The following GNG2 variants were observed in gnomAD, a reference collection of about 807,000 sequenced individuals.
The protein encoded by GNG2 is G protein subunit gamma 2.
A neutral mutation model predicts 5.5 loss-of-function variants in GNG2; 5 were observed. The observed-to-expected ratio is 0.91, with a 90% confidence interval of 0.48 to 1.92. GNG2 has a LOEUF of 1.92. GNG2 is among the 30% of genes most tolerant of loss of function. GNG2 has a pLI of 0.01. For synonymous variants in GNG2, 28 were observed against 32.0 expected, an observed-to-expected ratio of 0.88 and a Z score of 0.42; for missense variants, 55 against 88.4, an observed-to-expected ratio of 0.62 and a Z score of 1.52.
At chr14:51,916,346 G>C in intron 2 of GNG2, 1 of 384,832 alleles carries the variant, frequency 2.6e-6, no homozygotes, top group Non-Finnish European at 5.1e-6. Flanking sequence ...GAGATAAATG[G>C]AGTAGTTGAG....
chr14:51,844,264 C>G (rs1881562319), intron 2 of GNG2, among the ~76,000 whole-genome samples: 1 of 152,204 alleles, frequency 6.6e-6, no homozygotes, highest in Admixed American at 6.5e-5. Flanking sequence ...TCTGTCATAA[C>G]TCATAAGTCG....
chr14:51,943,059 T>A (rs148975933), intron 2 of GNG2, among the ~76,000 whole-genome samples: 84 of 152,154 alleles, frequency 5.5e-4, no homozygotes, highest in African/African-American at 1.9e-3. Context: ...CCCCATCAAC[T>A]CCTAGAAAAA....
chr14:51,852,299 A>G (rs1441443026), intron 2 of GNG2, among the ~76,000 whole-genome samples: 1 of 152,184 alleles, frequency 6.6e-6, no homozygotes, highest in Non-Finnish European at 1.5e-5. Flanking sequence ...TCCTCCTCCT[A>G]AAATGAATCT....
At chr14:51,888,727 T>C (rs929612542) in intron 2 of GNG2, among the ~76,000 whole-genome samples, 1 of 152,204 alleles carries the variant, frequency 6.6e-6, no homozygotes, top group Non-Finnish European at 1.5e-5. Context: ...GCAGATATAA[T>C]AGTAATTGTG....
intron 1 of GNG2, among the ~76,000 whole-genome samples, chr14:51,870,956 G>A (rs1883255351): frequency 6.6e-6 from 1 of 152,138 alleles, no homozygotes. Flanking sequence ...ATAAATGATG[G>A]AGTGCTTCCT....
At chr14:51,832,372 A>G (rs1233157140) in intron 2 of GNG2, among the ~76,000 whole-genome samples, 5 of 152,244 alleles carry the variant, frequency 3.3e-5, no homozygotes, top group Non-Finnish European at 7.3e-5. Context: ...AGTCAGTGAA[A>G]GCAAAAATAA....
At chr14:51,835,560 G>A (rs1307517015) in intron 2 of GNG2, among the ~76,000 whole-genome samples, 1 of 152,126 alleles carries the variant, frequency 6.6e-6, no homozygotes, top group East Asian at 1.9e-4. Flanking sequence ...GCACGTCAAA[G>A]TCTAACCCAC....
At chr14:51,957,713 G>A (rs1889352275) in intron 3 of GNG2, among the ~76,000 whole-genome samples, 1 of 152,106 alleles carries the variant, frequency 6.6e-6, no homozygotes, top group African/African-American at 2.4e-5. Context: ...TTAGCGAGAG[G>A]ACCAAGTTCA....
chr14:51,863,392 T>C (rs1882656659), intron 1 of GNG2, among the ~76,000 whole-genome samples: 1 of 152,226 alleles, frequency 6.6e-6, no homozygotes, highest in South Asian at 2.1e-4. Flanking sequence ...TGTGTGCGGA[T>C]AAGTGAGTGA....
intron 2 of GNG2, among the ~76,000 whole-genome samples, chr14:51,940,764 A>G (rs1030478877): frequency 6.6e-6 from 1 of 152,090 alleles, no homozygotes; most frequent in African/African-American, 2.4e-5. Flanking sequence ...GTGTTTGCTG[A>G]TTAGTAGAGA....
intron 1 of GNG2, among the ~76,000 whole-genome samples, chr14:51,870,453 T>C (rs1048987780): frequency 2.6e-5 from 4 of 152,240 alleles, no homozygotes; most frequent in Middle Eastern, 3.2e-3. Context: ...CATTTCTGCA[T>C]TGTAAAATAT....
chr14:51,845,079 A>G (rs1881585306), intron 2 of GNG2, among the ~76,000 whole-genome samples: 1 of 152,276 alleles, frequency 6.6e-6, no homozygotes, highest in Non-Finnish European at 1.5e-5. Context: ...GATTTAAAAT[A>G]GATAAAAAAC....
At chr14:51,949,461 C>T (rs1043496797) in intron 2 of GNG2, among the ~76,000 whole-genome samples, 7 of 152,004 alleles carry the variant, frequency 4.6e-5, no homozygotes, top group African/African-American at 1.5e-4. Context: ...TGTTCTTTTT[C>T]TTTTTAAGAT....
At chr14:51,908,259 A>G (rs1886061839) in intron 2 of GNG2, among the ~76,000 whole-genome samples, 1 of 152,244 alleles carries the variant, frequency 6.6e-6, no homozygotes, top group Non-Finnish European at 1.5e-5. Context: ...CAAGCGATCC[A>G]AGAAAGAGGG....
chr14:51,904,276 T>C (rs894364140), intron 2 of GNG2, among the ~76,000 whole-genome samples: 2 of 152,114 alleles, frequency 1.3e-5, no homozygotes, highest in Non-Finnish European at 2.9e-5. Flanking sequence ...TTCTCCACAT[T>C]ACCAGCTTCC....
chr14:51,860,033 T>C (rs1056580896), upstream of GNG2, among the ~76,000 whole-genome samples: 1 of 152,154 alleles, frequency 6.6e-6, no homozygotes, highest in African/African-American at 2.4e-5. Flanking sequence ...TCAGTGGTAG[T>C]GGGACCTTGG....
At chr14:51,926,152 GTATT>G in intron 2 of GNG2, among the ~76,000 whole-genome samples, 1 of 151,872 alleles carries the variant, frequency 6.6e-6, no homozygotes, top group Non-Finnish European at 1.5e-5. Context: ...TAAAGAAACA[GTATT>G]TAATAAGTTC....
At chr14:51,902,166 TTTTTA>T (rs2140182369) in intron 2 of GNG2, among the ~76,000 whole-genome samples, 1 of 152,268 alleles carries the variant, frequency 6.6e-6, no homozygotes, top group African/African-American at 2.4e-5. Context: ...TTATTAAATA[TTTTTA>T]TTTTGAGTAT....
chr14:51,884,094 T>C (rs1884283003), intron 2 of GNG2, among the ~76,000 whole-genome samples: 1 of 152,204 alleles, frequency 6.6e-6, no homozygotes, highest in Admixed American at 6.5e-5. Context: ...TTTCATCTCC[T>C]GGTTAATCTG....
Sources: gnomAD v4.1 joint callset for allele counts (sites outside exome capture counted in the v4.1 genomes callset) on GRCh38, gnomAD v4.1.1 for gene constraint, MANE v1.5 for transcripts, NCBI Gene and HGNC (gene_info 2026-07-23, HGNC 2026-07-21) for gene names.